Variants in CCSER1 observed in about 807,000 individuals in gnomAD.
The protein encoded by CCSER1 is coiled-coil serine rich protein 1, also known as serine-rich coiled-coil domain-containing protein 1.
A neutral mutation model predicts 82.0 loss-of-function variants in CCSER1; 41 were observed. The ratio of observed to expected loss-of-function variants is 0.50; its 90% CI spans 0.39 to 0.65. CCSER1 has a LOEUF of 0.65. CCSER1 is among the 30% of genes least tolerant of loss of function. The probability of loss-of-function intolerance (pLI) is 0.00; values close to 1 mark genes in which losing one functional copy is unlikely to be tolerated. For synonymous variants in CCSER1, 414 were observed against 383.9 expected (o/e 1.08, Z -0.92); for missense variants, 1,119 against 1,064.2 (o/e 1.05, Z -0.72).
At chr4:90,661,473 G>A (rs1399820670) in intron 6 of CCSER1, among the ~76,000 whole-genome samples, 1 of 152,136 alleles carries the variant, frequency 6.6e-6, no homozygotes, top group Non-Finnish European at 1.5e-5. Flanking sequence ...AATAGAAGAA[G>A]CAATGTAAAG....
chr4:91,220,039 A>T (rs1162470141), intron 10 of CCSER1, among the ~76,000 whole-genome samples: 1 of 152,154 alleles, frequency 6.6e-6, no homozygotes, highest in East Asian at 1.9e-4. Flanking sequence ...AGAATGGGAG[A>T]TCCACAGTTT....
At chr4:90,734,118 AT>A (rs200074123) in intron 7 of CCSER1, among the ~76,000 whole-genome samples, 1 of 150,390 alleles carries the variant, frequency 6.6e-6, no homozygotes, top group African/African-American at 2.5e-5. Context: ...TATTAATTTA[AT>A]TTAATTAATT....
At chr4:90,994,017 A>C (rs1447916021) in intron 9 of CCSER1, among the ~76,000 whole-genome samples, 1 of 152,036 alleles carries the variant, frequency 6.6e-6, no homozygotes, top group Non-Finnish European at 1.5e-5. Context: ...TCATACCATC[A>C]TAAGTTGAAA....
chr4:90,552,996 G>C (rs1379339803), intron 5 of CCSER1, among the ~76,000 whole-genome samples: 5 of 141,760 alleles, frequency 3.5e-5, no homozygotes, highest in Non-Finnish European at 6.0e-5. Context: ...TTTTGAGACG[G>C]AGTCTCGCTC....
At chr4:91,291,398 G>A (rs1210289876) in intron 10 of CCSER1, among the ~76,000 whole-genome samples, 1 of 151,982 alleles carries the variant, frequency 6.6e-6, no homozygotes, top group Non-Finnish European at 1.5e-5. Context: ...CTGCTACGAA[G>A]AAACACCCGA....
intron 10 of CCSER1, among the ~76,000 whole-genome samples, chr4:91,299,192 T>C (rs1017043157): frequency 6.6e-6 from 1 of 152,004 alleles, no homozygotes; most frequent in Non-Finnish European, 1.5e-5. Context: ...TAATGCCCTT[T>C]TAAGAGTGAG....
chr4:90,225,358 G>A (rs1742973365), intron 1 of CCSER1, among the ~76,000 whole-genome samples: 1 of 150,770 alleles, frequency 6.6e-6, no homozygotes, highest in Non-Finnish European at 1.5e-5. Context: ...TTACAGGCAT[G>A]AGCCACCATG....
At chr4:91,526,844 T>C (rs1760790453) in intron 10 of CCSER1, among the ~76,000 whole-genome samples, 5 of 152,042 alleles carry the variant, frequency 3.3e-5, no homozygotes. Context: ...CCACCTGCCT[T>C]CGCCTCCCAA....
intron 6 of CCSER1, among the ~76,000 whole-genome samples, chr4:90,632,271 C>T (rs1310549085): frequency 6.6e-6 from 1 of 151,952 alleles, no homozygotes; most frequent in African/African-American, 2.4e-5. Context: ...TTAGCTCATT[C>T]CAGATTTTTT....
At chr4:91,438,358 C>T (rs1460798879) in intron 10 of CCSER1, among the ~76,000 whole-genome samples, 5 of 152,180 alleles carry the variant, frequency 3.3e-5, no homozygotes, top group Admixed American at 1.3e-4. Flanking sequence ...CCACTGCTGT[C>T]ACCCAGGCAA....
At chr4:90,758,911 G>A (rs146173061) in intron 7 of CCSER1, among the ~76,000 whole-genome samples, 167 of 152,238 alleles carry the variant, frequency 1.1e-3, no homozygotes, top group African/African-American at 4.0e-3. Flanking sequence ...TCTAAGGGGA[G>A]AAGGGATTTA....
chr4:90,641,703 A>G (rs1726554255), intron 6 of CCSER1, among the ~76,000 whole-genome samples: 1 of 152,162 alleles, frequency 6.6e-6, no homozygotes, highest in Non-Finnish European at 1.5e-5. Flanking sequence ...GATCAAGGTG[A>G]ACAAATGTAT....
intron 6 of CCSER1, among the ~76,000 whole-genome samples, chr4:90,718,013 C>A (rs758563382): frequency 2.0e-5 from 3 of 151,412 alleles, no homozygotes; most frequent in African/African-American, 7.3e-5. Flanking sequence ...AAAGTTGACA[C>A]GTCTAAAAAA....
chr4:90,925,622 T>C (rs1728963876), intron 9 of CCSER1, among the ~76,000 whole-genome samples: 2 of 152,136 alleles, frequency 1.3e-5, no homozygotes, highest in Non-Finnish European at 2.9e-5. Flanking sequence ...TATTTGCCTA[T>C]CCATGCCTCA....
At chr4:90,738,820 C>T (rs1358073674) in intron 7 of CCSER1, among the ~76,000 whole-genome samples, 3 of 152,132 alleles carry the variant, frequency 2.0e-5, no homozygotes, top group Non-Finnish European at 4.4e-5. Context: ...GCTCTTTCAT[C>T]AGCTTATGGT....
intron 8 of CCSER1, among the ~76,000 whole-genome samples, chr4:90,859,919 A>G (rs1764878554): frequency 6.6e-6 from 1 of 151,696 alleles, no homozygotes; most frequent in African/African-American, 2.4e-5. Flanking sequence ...CTTCACTGAG[A>G]CAGTTGTATT....
At chr4:90,665,227 A>T (rs1472350387) in intron 6 of CCSER1, among the ~76,000 whole-genome samples, 1 of 152,114 alleles carries the variant, frequency 6.6e-6, no homozygotes, top group Non-Finnish European at 1.5e-5. Flanking sequence ...AATACTTATA[A>T]GTGTTGTATG....
Position 91,377,703 on chromosome 4 carries a change from T to A in CCSER1, c.2218-220869T>A, listed in dbSNP as rs185290576. ...ATGTTCTCCCACTCTGTAGGTTGCC[T>A]GTTCACTCTGATGGTAGTTTCTTTT... is the stretch of plus-strand genomic sequence containing the variant. On this transcript the variant is annotated intron_variant, in intron 10 of 10. Transcript: ENST00000509176. Among the ~76,000 whole-genome samples the A allele has an allele frequency of 1.6e-4, 24 of 152,336 alleles. 1 individual carries two copies. In the East Asian group the frequency reaches 4.6e-3, roughly 29 times the overall value.
chr4:91,512,150 G>A (rs935165986), intron 10 of CCSER1, among the ~76,000 whole-genome samples: 4 of 152,224 alleles, frequency 2.6e-5, no homozygotes, highest in South Asian at 2.1e-4. Context: ...ATTGAAGGAC[G>A]CAATGTACCG....
Sources: allele counts gnomAD v4.1 joint callset (sites outside exome capture counted in the v4.1 genomes callset), GRCh38; gene constraint gnomAD v4.1.1; transcripts MANE v1.5; gene names NCBI Gene and HGNC (gene_info 2026-07-23, HGNC 2026-07-21).